Variants in OVCH1 observed in about 807,000 individuals in gnomAD.
OVCH1 encodes the protein ovochymase 1.
A neutral mutation model predicts 138.4 loss-of-function variants in OVCH1; 139 were observed. That is an observed-to-expected ratio of 1.00 (90% CI 0.87 to 1.16). The LOEUF (loss-of-function observed/expected upper bound fraction) is 1.16, where lower values mean the gene tolerates loss of function less well. Ranked by LOEUF, OVCH1 falls within the 50% of genes most tolerant of loss-of-function variation. The pLI, the probability that OVCH1 is intolerant of heterozygous loss-of-function variation, is 0.00. For synonymous variants in OVCH1, 453 were observed against 467.8 expected (o/e 0.97, Z 0.41); for missense variants, 1,367 against 1,357.9 (o/e 1.01, Z -0.11).
chr12:29,440,822 A>C, intron 25 of OVCH1, 78 bp from the exon 26 acceptor site: 1 of 438,792 alleles, frequency 2.3e-6, no homozygotes, highest in South Asian at 1.6e-5. Flanking sequence ...AAAAGACAGC[A>C]GTTTAGCAAT....
At chr12:29,429,776 CAA>C (rs1941237783) in intron 27 of OVCH1, among the ~76,000 whole-genome samples, 1 of 152,006 alleles carries the variant, frequency 6.6e-6, no homozygotes. Flanking sequence ...ATCCTTGAGA[CAA>C]AGAGAAAAAA....
chr12:29,430,286 T>C (rs1265395677), intron 27 of OVCH1, among the ~76,000 whole-genome samples: 1 of 152,248 alleles, frequency 6.6e-6, no homozygotes, highest in East Asian at 1.9e-4. Context: ...TTTGTGCTGG[T>C]TGGCCCCCTG....
rs1483267005 is a variant in OVCH1, at chr12:29,496,683, A to C, written c.65-9T>G. The C allele has an allele frequency of 1.3e-6, 2 of 1,588,818 alleles. No homozygotes were observed. The highest frequency in any genetic ancestry group is 1.7e-6 in the Non-Finnish European group (2 of 1,159,368). ...AATTCCACACTTCAGTCCTGTGTAG[A>C]AGAGCATGTGTGTGTGCACACACAG... On this transcript the variant is annotated splice_polypyrimidine_tract_variant and intron_variant, in intron 1 of 27. Transcript: ENST00000318184.
chr12:29,486,907 T>G (rs1291557943), intron 7 of OVCH1: 1 of 455,862 alleles, frequency 2.2e-6, no homozygotes, highest in Non-Finnish European at 4.4e-6. Flanking sequence ...GGAACACAAT[T>G]GCTACCAGAA....
intron 6 of OVCH1, 99 bp downstream of exon 6, chr12:29,489,521 A>T: frequency 7.7e-7 from 1 of 1,304,928 alleles, no homozygotes; most frequent in East Asian, 2.7e-5. Context: ...AAGAATTTTG[A>T]CACAGTAATA....
intron 4 of OVCH1, among the ~76,000 whole-genome samples, chr12:29,494,767 T>C (rs1331372156): frequency 6.6e-6 from 1 of 152,046 alleles, no homozygotes; most frequent in African/African-American, 2.4e-5. Context: ...AAATGCTGAA[T>C]CTCATGAAGA....
chr12:29,467,459 T>C (rs1043992455), intron 16 of OVCH1, among the ~76,000 whole-genome samples: 5 of 152,172 alleles, frequency 3.3e-5, no homozygotes, highest in Non-Finnish European at 5.9e-5. Flanking sequence ...AAGGTATCAA[T>C]TGATGGATTT....
chr12:29,449,066 G>A (rs1198781627), intron 22 of OVCH1, among the ~76,000 whole-genome samples: 1 of 152,066 alleles, frequency 6.6e-6, no homozygotes, highest in African/African-American at 2.4e-5. Context: ...TTAAAAATGA[G>A]GGCTGGCATG....
intron 8 of OVCH1, among the ~76,000 whole-genome samples, chr12:29,484,786 CCT>C (rs1462448807): frequency 6.6e-6 from 1 of 152,112 alleles, no homozygotes; most frequent in Non-Finnish European, 1.5e-5. Context: ...AACACTGTCC[CCT>C]GAGGTTTACA....
At chr12:29,440,322 T>C (rs960250403) in intron 25 of OVCH1, among the ~76,000 whole-genome samples, 2 of 152,158 alleles carry the variant, frequency 1.3e-5, no homozygotes, top group Non-Finnish European at 1.5e-5. Flanking sequence ...AGAACAGATA[T>C]ACAGTTGATT....
rs1206457554 is a variant in OVCH1 at position 29,433,749 on chromosome 12, A to C, written c.3327+2T>G. 1 of 1,427,600 alleles carries C rather than the reference A, an allele frequency of 7.0e-7. No individual in the cohort carries two copies. Among genetic ancestry groups the C allele is most frequent in the East Asian group, 2.7e-5 (1 of 37,708 alleles). 88.4% of individuals were successfully genotyped at this position (1,427,600 alleles called of 1,614,324 possible). A position where few individuals can be genotyped will look rare whatever the true frequency, so the allele number is the denominator to read the frequency against. ...TATGTTAGTCCCTTATGATATACTT[A>C]CATAACTTAAATTTGATGCAAATTT... is the stretch of plus-strand genomic sequence containing the variant. On this transcript the variant is annotated splice_donor_variant, in intron 27 of 27. Transcript: ENST00000318184. LOFTEE classifies it high-confidence loss of function.
At chr12:29,462,863 G>T (rs961863202) in intron 18 of OVCH1, among the ~76,000 whole-genome samples, 1 of 152,064 alleles carries the variant, frequency 6.6e-6, no homozygotes, top group African/African-American at 2.4e-5. Flanking sequence ...TCTAAATCTT[G>T]CATTCTTCTT....
intron 16 of OVCH1, among the ~76,000 whole-genome samples, chr12:29,466,559 T>A (rs1942327741): frequency 6.6e-6 from 1 of 152,128 alleles, no homozygotes; most frequent in South Asian, 2.1e-4. Context: ...AACTCAACTA[T>A]TGCGTTAGAA....
chr12:29,439,259 T>G, intron 26 of OVCH1: 2 of 1,304,478 alleles, frequency 1.5e-6, no homozygotes, highest in Non-Finnish European at 2.0e-6. Flanking sequence ...GTCACTTCTC[T>G]TATTTATTGT....
At chr12:29,475,802 T>C (rs1012744244) in intron 13 of OVCH1, among the ~76,000 whole-genome samples, 4 of 152,200 alleles carry the variant, frequency 2.6e-5, no homozygotes, top group African/African-American at 9.7e-5. Context: ...ATTTGAAGTT[T>C]TAAAAGTCTT....
At chr12:29,477,190 G>T (rs1215559699) in exon 12 of OVCH1, 1 of 1,613,644 alleles carries the variant, frequency 6.2e-7, no homozygotes, top group African/African-American at 1.3e-5. Flanking sequence ...AGAGTGATTT[G>T]TCCCTTCTTC....
chr12:29,465,002 G>A, intron 17 of OVCH1, 145 bp downstream of exon 17: 1 of 782,408 alleles, frequency 1.3e-6, no homozygotes, highest in Non-Finnish European at 2.0e-6. Context: ...ATCTCAAATT[G>A]CATTTTTAAA....
chr12:29,470,750 G>A (rs1942478028), intron 16 of OVCH1, among the ~76,000 whole-genome samples: 1 of 152,082 alleles, frequency 6.6e-6, no homozygotes, highest in African/African-American at 2.4e-5. Context: ...GTGATTGCTA[G>A]GTCAATTGGT....
intron 23 of OVCH1, 35 bp from the exon 24 acceptor site, chr12:29,444,315 A>T (rs200023330): frequency 3.5e-5 from 56 of 1,600,002 alleles, no homozygotes; most frequent in Non-Finnish European, 4.8e-5. Flanking sequence ...ATGAGAATAA[A>T]ACCAATTTTT....
Sources: allele counts gnomAD v4.1 joint callset (sites outside exome capture counted in the v4.1 genomes callset), GRCh38; gene constraint gnomAD v4.1.1; transcripts MANE v1.5; gene names NCBI Gene and HGNC (gene_info 2026-07-23, HGNC 2026-07-21).